The following DNAH7 variants were observed in gnomAD, a reference collection of about 807,000 sequenced individuals.
DNAH7 encodes the protein dynein axonemal heavy chain 7.
DNAH7 carries 397 observed loss-of-function variants against 444.6 expected under a neutral mutation model. The observed-to-expected ratio is 0.89, with a 90% CI of 0.82 to 0.97. The LOEUF (loss-of-function observed/expected upper bound fraction) is 0.97. Ranked by LOEUF, DNAH7 falls within the 50% of genes least tolerant of loss-of-function variation. DNAH7 has a pLI of 0.00. For missense variants in DNAH7, 4,902 were observed against 4,800.8 expected, an observed-to-expected ratio of 1.02 and a Z score of -0.62; for synonymous variants, 1,636 against 1,624.4, an observed-to-expected ratio of 1.01 and a Z score of -0.17.
At chr2:195,866,188 T>C (rs1252139067) in intron 40 of DNAH7, among the ~76,000 whole-genome samples, 7 of 152,170 alleles carry the variant, frequency 4.6e-5, no homozygotes, top group Admixed American at 4.6e-4. Context: ...GCAAATCTCA[T>C]AGATTTGGGG....
At chr2:195,933,901 AC>A (rs1273232977) in intron 21 of DNAH7, among the ~76,000 whole-genome samples, 1 of 152,054 alleles carries the variant, frequency 6.6e-6, no homozygotes, top group Non-Finnish European at 1.5e-5. Flanking sequence ...AAGTATAGTA[AC>A]AAATAAAAAA....
chr2:195,912,217 C>A (rs541505995), intron 24 of DNAH7, among the ~76,000 whole-genome samples: 3 of 151,986 alleles, frequency 2.0e-5, no homozygotes. Flanking sequence ...AGCACTTTTC[C>A]CTCTCCCAAG....
intron 17 of DNAH7, among the ~76,000 whole-genome samples, chr2:195,967,725 C>T (rs1273072509): frequency 6.6e-6 from 1 of 152,190 alleles, no homozygotes; most frequent in African/African-American, 2.4e-5. Context: ...TGTGTTGGAG[C>T]TCCATTGTGT....
chr2:195,906,410 A>AACAAC (rs1553558155), intron 27 of DNAH7, among the ~76,000 whole-genome samples: 3 of 139,780 alleles, frequency 2.1e-5, no homozygotes, highest in Admixed American at 2.1e-4. Context: ...TACACACAGA[A>AACAAC]ACACACACAC....
chr2:196,059,214 G>T (rs1438719218), intron 1 of DNAH7, among the ~76,000 whole-genome samples: 1 of 151,976 alleles, frequency 6.6e-6, no homozygotes, highest in South Asian at 2.1e-4. Flanking sequence ...TATGTATTCT[G>T]GTTTTTCCCC....
At chr2:195,754,247 C>A (rs183709694) in intron 63 of DNAH7, 90 bp downstream of exon 63, 2 of 1,334,002 alleles carry the variant, frequency 1.5e-6, no homozygotes, top group Admixed American at 4.7e-5. Context: ...ATGTTTATTA[C>A]TTTTTTAACA....
At chr2:195,752,376 G>T (rs531132311) in intron 63 of DNAH7, among the ~76,000 whole-genome samples, 121 of 152,168 alleles carry the variant, frequency 8.0e-4, no homozygotes, top group African/African-American at 2.9e-3. Flanking sequence ...CTGGGTTTCT[G>T]TCTGGATGGT....
chr2:196,027,544 A>AAT (rs1182359101), intron 6 of DNAH7, among the ~76,000 whole-genome samples: 13 of 152,066 alleles, frequency 8.5e-5, no homozygotes, highest in Non-Finnish European at 2.9e-5. Flanking sequence ...AATGCTTTTG[A>AAT]ATTAGCAGTG....
rs1314885381 is a variant in DNAH7, at chr2:195,864,202, G to A, written c.7453C>T (p.Arg2485Cys). ...ACAAGAGCAGGGAACTTTCTAAGAC[G>A]ATTCCGAAATGCATCTCCAATGGGA... ...MSPIGDAFRN[R>C]LRKFPALVNC... Residue 2485 changes from arginine to cysteine, a missense_variant, in exon 41 of 65, where the codon CGT becomes TGT. By Grantham distance (180) the Arg-to-Cys change is radical (BLOSUM62 -3). Transcript: ENST00000312428. 9 of 1,614,032 alleles carry A rather than the reference G, an allele frequency of 5.6e-6. No individual in the cohort carries two copies. Among genetic ancestry groups the A allele is most frequent in the Middle Eastern group, 1.6e-4 (1 of 6,084 alleles).
At chr2:195,944,053 T>C (rs1689641203) in intron 19 of DNAH7, among the ~76,000 whole-genome samples, 1 of 152,154 alleles carries the variant, frequency 6.6e-6, no homozygotes, top group Non-Finnish European at 1.5e-5. Flanking sequence ...TTATGCAGCA[T>C]AACTGTTTGC....
At chr2:195,905,272 G>A (rs1369071290) in intron 27 of DNAH7, 1 of 152,036 alleles carries the variant, frequency 6.6e-6, no homozygotes, top group East Asian at 1.9e-4. Context: ...ACAAATACAA[G>A]AACTGCAACA....
At position 195,792,363 on chromosome 2, in the gene DNAH7, T is replaced by TA. The variant is rs1036121185; in HGVS notation, c.10716+1974dup. On this transcript the variant is annotated intron_variant, in intron 57 of 64. Coordinates refer to ENST00000312428, the MANE Select transcript of DNAH7 (RefSeq NM_018897.3). ...GTAAATGTATCCCCTGAATCTAAAATAAAAGTTGAAAGTACAAAAAAACCA... is the reference window on the plus strand; with the variant it reads ...GTAAATGTATCCCCTGAATCTAAAATAAAAAGTTGAAAGTACAAAAAAACCA... 2.0e-4 allele frequency among the ~76,000 whole-genome samples: 25 copies of TA among 125,006 alleles called. No homozygotes were observed. The Admixed American group carries it at 2.2e-3, about 11-fold the overall frequency. 82.0% of individuals were successfully genotyped at this position (125,006 alleles called of 152,430 possible). A position where few individuals can be genotyped will look rare whatever the true frequency, so the allele number is the denominator to read the frequency against.
intron 46 of DNAH7, 112 bp from the exon 47 acceptor site, chr2:195,845,277 ACT>A (rs1698918172): frequency 2.6e-6 from 2 of 775,814 alleles, no homozygotes; most frequent in Admixed American, 7.3e-5. Context: ...CATTGTGGAA[ACT>A]CTACCTCAAA....
At chr2:195,974,891 T>C (rs745689188) in intron 15 of DNAH7, among the ~76,000 whole-genome samples, 5 of 152,222 alleles carry the variant, frequency 3.3e-5, no homozygotes, top group Non-Finnish European at 7.4e-5. Flanking sequence ...TCTAATGATT[T>C]TAACAAATTT....
rs766199872 is a variant in DNAH7, at chr2:195,926,441, A to T, written c.3597T>A (p.Ile1199=). 9 of 1,591,002 alleles carry T rather than the reference A, an allele frequency of 5.7e-6. No homozygotes were observed. In the African/African-American group the frequency reaches 9.5e-5, roughly 17 times the overall value. The change falls in exon 22 of 65, where the codon ATT becomes ATA. Residue 1199 remains isoleucine, a synonymous_variant. Coordinates refer to ENST00000312428, the MANE Select transcript of DNAH7 (RefSeq NM_018897.3). ...AAAACCTTACCTTTATCCCCATTGGAATAGCTGTTTGTACTTCTTTTGTCC... is the reference window on the plus strand; with the variant it reads ...AAAACCTTACCTTTATCCCCATTGGTATAGCTGTTTGTACTTCTTTTGTCC... ...IFWTKEVQTA[I]PMGIKALEQY...
At chr2:195,810,753 A>T (rs967172774) in intron 51 of DNAH7, among the ~76,000 whole-genome samples, 3 of 152,224 alleles carry the variant, frequency 2.0e-5, no homozygotes, top group Non-Finnish European at 4.4e-5. Context: ...CTTCAAAAAA[A>T]AGGTTTTTGT....
intron 15 of DNAH7, among the ~76,000 whole-genome samples, chr2:195,974,868 C>T (rs114934636): frequency 7.4e-4 from 112 of 151,590 alleles, no homozygotes; most frequent in African/African-American, 2.6e-3. Flanking sequence ...AAGACTGATA[C>T]GTAAAAATTG....
intron 18 of DNAH7, among the ~76,000 whole-genome samples, chr2:195,959,737 A>G (rs1338095887): frequency 2.0e-5 from 3 of 152,238 alleles, no homozygotes; most frequent in Non-Finnish European, 2.9e-5. Context: ...TTGGCTGTGT[A>G]TGATACTTAA....
chr2:195,928,471 C>T (rs182368501), intron 21 of DNAH7, among the ~76,000 whole-genome samples: 1 of 152,006 alleles, frequency 6.6e-6, no homozygotes, highest in East Asian at 1.9e-4. Context: ...AAAGAGTGGC[C>T]AAAGTGGAAT....
Sources: allele counts gnomAD v4.1 joint callset (sites outside exome capture counted in the v4.1 genomes callset), GRCh38; gene constraint gnomAD v4.1.1; transcripts MANE v1.5; gene names NCBI Gene and HGNC (gene_info 2026-07-23, HGNC 2026-07-21).